The following DOCK7 variants were observed in gnomAD, a reference collection of about 807,000 sequenced individuals.
The protein encoded by DOCK7 is dedicator of cytokinesis 7.
Under a neutral mutation model 271.0 loss-of-function variants are expected in DOCK7, and 138 were observed. The ratio of observed to expected loss-of-function variants is 0.51; its 90% CI spans 0.44 to 0.59. The LOEUF (loss-of-function observed/expected upper bound fraction) is 0.59. DOCK7 is among the 20% of genes least tolerant of loss of function. The probability of loss-of-function intolerance (pLI) is 0.00; values close to 1 mark genes in which losing one functional copy is unlikely to be tolerated. For synonymous variants in DOCK7, 823 were observed against 876.1 expected (o/e 0.94, Z 1.07); for missense variants, 2,066 against 2,592.4 (o/e 0.80, Z 4.41).
chr1:62,457,546 G>C lies in DOCK7; in HGVS notation c.6372C>G (p.Thr2124=). The C allele has an allele frequency of 6.2e-7, 1 of 1,613,276 alleles. No individual in the cohort carries two copies. Among genetic ancestry groups the C allele is most frequent in the Non-Finnish European group, 8.5e-7 (1 of 1,179,756 alleles). The change falls in exon 49 of 50, where the codon ACC becomes ACG. Residue 2124 remains threonine (T), a synonymous_variant. Coordinates refer to ENST00000635253, the MANE Select transcript of DOCK7 (RefSeq NM_001367561.1). ...PQLYKAVLPV[T]CHRDSFSRMS... is the part of the protein sequence containing the mutation. ...CTTAAAAATAAGCATACCTGTGGCA[G>C]GTGACAGGCAATACTGCCTTGTATA...
intron 7 of DOCK7, among the ~76,000 whole-genome samples, chr1:62,643,281 G>A (rs1429635752): frequency 1.3e-5 from 2 of 152,184 alleles, no homozygotes; most frequent in Non-Finnish European, 2.9e-5. Context: ...ACAGAATTAT[G>A]AGAAATACTG....
intron 1 of DOCK7, among the ~76,000 whole-genome samples, chr1:62,684,092 T>A (rs1387629891): frequency 6.6e-6 from 1 of 151,752 alleles, no homozygotes; most frequent in East Asian, 1.9e-4. Context: ...ATACAAAAAT[T>A]AGCTGGGCGT....
chr1:62,654,246 A>T, intron 2 of DOCK7, 87 bp from the exon 3 acceptor site: 1 of 1,290,706 alleles, frequency 7.7e-7, no homozygotes, highest in Non-Finnish European at 1.1e-6. Flanking sequence ...ACATTTTTTT[A>T]AATAAAAGCT....
chr1:62,471,078 T>G (rs1368521208), intron 48 of DOCK7, among the ~76,000 whole-genome samples: 1 of 152,142 alleles, frequency 6.6e-6, no homozygotes, highest in Non-Finnish European at 1.5e-5. Context: ...TAAAATATAT[T>G]TTCTCTTCCT....
chr1:62,483,109 G>GTGA (rs1168046569), intron 43 of DOCK7: 2 of 147,320 alleles, frequency 1.4e-5, no homozygotes, highest in Non-Finnish European at 3.0e-5. Context: ...TTGGGCCTAA[G>GTGA]TGATCTTCCT....
chr1:62,606,589 TAATAAG>T (rs532656062), intron 14 of DOCK7, among the ~76,000 whole-genome samples: 28 of 152,272 alleles, frequency 1.8e-4, no homozygotes, highest in South Asian at 1.5e-3. Context: ...TACTACTTAA[TAATAAG>T]AATATCTTTT....
intron 44 of DOCK7, 87 bp downstream of exon 44, chr1:62,477,613 T>A: frequency 7.2e-7 from 1 of 1,384,368 alleles, no homozygotes; most frequent in South Asian, 1.9e-5. Context: ...TCTGGCTTAC[T>A]AAATGATTAG....
At position 62,598,132 on chromosome 1, in the gene DOCK7, G is replaced by A. The variant is rs1350318654; in HGVS notation, c.1683-11508C>T. 9 of 1,381,024 alleles carry A rather than the reference G, an allele frequency of 6.5e-6. No individual in the cohort carries two copies. The African/African-American group carries it at 1.2e-4, about 18-fold the overall frequency. The allele number at this position is 1,381,024 out of a possible 1,614,324, so 85.5% of individuals were successfully genotyped here. ...ATCTTTTAAAAAAAATATTTCTAAG[G>A]CATGCCATTTGAAATACTTTGTTGC... On this transcript the variant is annotated intron_variant, in intron 14 of 49. Transcript: ENST00000635253.
At chr1:62,586,397 G>A in intron 15 of DOCK7, 110 bp downstream of exon 15, 1 of 709,022 alleles carries the variant, frequency 1.4e-6, no homozygotes, top group Non-Finnish European at 2.3e-6. Context: ...TAGAAATTTG[G>A]TTTAAAAGAT....
chr1:62,473,893 CT>C, intron 48 of DOCK7, 88 bp downstream of exon 48: 1 of 1,058,716 alleles, frequency 9.4e-7, no homozygotes, highest in Non-Finnish European at 1.4e-6. Flanking sequence ...CCTATTTTCT[CT>C]TTTCAATGGT....
intron 12 of DOCK7, among the ~76,000 whole-genome samples, chr1:62,620,775 T>G (rs1571799831): frequency 6.7e-6 from 1 of 149,396 alleles, no homozygotes; most frequent in Admixed American, 6.7e-5. Context: ...TCCCAGCTAC[T>G]CGGGAGGCTG....
At chr1:62,455,534 T>A in intron 49 of DOCK7, 78 bp from the exon 50 acceptor site, 1 of 1,360,712 alleles carries the variant, frequency 7.3e-7, no homozygotes, top group East Asian at 2.4e-5. Context: ...TACATGGTTT[T>A]TTCTGCCAGT....
At chr1:62,514,732 A>G (rs1644607394) in intron 31 of DOCK7, among the ~76,000 whole-genome samples, 1 of 31,144 alleles carries the variant, frequency 3.2e-5, no homozygotes, top group Non-Finnish European at 1.3e-4. Context: ...AGCTCTCACA[A>G]CAACTGTAAA....
chr1:62,516,967 C>T (rs1644680003), intron 31 of DOCK7: 1 of 152,386 alleles, frequency 6.6e-6, no homozygotes, highest in African/African-American at 2.4e-5. Flanking sequence ...AACCTACTAA[C>T]CTTCATCACT....
At position 62,542,695 on chromosome 1, in the gene DOCK7, G is replaced by A. The variant is rs151057814; in HGVS notation, c.2958C>T (p.His986=). The change falls in exon 25 of 50, where the codon CAC becomes CAT. Residue 986 remains histidine, a synonymous_variant. Coordinates refer to ENST00000635253, the MANE Select transcript of DOCK7 (RefSeq NM_001367561.1). The part of the protein sequence containing the change: ...TGRLPTKKLF[H]EELALQWVVC... ...CAACCCACTGCAAAGCCAGCTCCTCGTGAAAAAGCTATCCAGAAGTAAATC... is the reference window on the plus strand; with the variant it reads ...CAACCCACTGCAAAGCCAGCTCCTCATGAAAAAGCTATCCAGAAGTAAATC... 88 of 1,612,406 alleles carry A rather than the reference G, an allele frequency of 5.5e-5. No individual in the cohort carries two copies. The highest frequency in any genetic ancestry group is 1.6e-4 in the Middle Eastern group (1 of 6,072).
intron 18 of DOCK7, among the ~76,000 whole-genome samples, chr1:62,568,120 C>T (rs538199292): frequency 2.6e-5 from 4 of 152,016 alleles, no homozygotes; most frequent in East Asian, 1.9e-4. Flanking sequence ...CACAACTACA[C>T]GGAAATTGCA....
intron 18 of DOCK7, among the ~76,000 whole-genome samples, chr1:62,571,603 G>A (rs1310297694): frequency 1.3e-5 from 2 of 152,120 alleles, no homozygotes; most frequent in African/African-American, 4.8e-5. Context: ...ACATGCATGT[G>A]TATGTTCATT....
Position 62,499,770 on chromosome 1 carries a change from T to C in DOCK7, c.4765-3273A>G, listed in dbSNP as rs149421260. ...GGTGTGTGCCTATAGCCCCAGCTAC[T>C]TGGGAGGCTGAGGTGGGAGGATCCC... On this transcript the variant is annotated intron_variant, in intron 37 of 49. Coordinates refer to ENST00000635253, the MANE Select transcript of DOCK7 (RefSeq NM_001367561.1). 3.9e-5 allele frequency among the ~76,000 whole-genome samples: 6 copies of C among 152,146 alleles called. No individual in the cohort carries two copies. The East Asian group carries it at 5.8e-4, about 15-fold the overall frequency.
chr1:62,496,205 A>G, intron 38 of DOCK7, 134 bp downstream of exon 38: 2 of 911,268 alleles, frequency 2.2e-6, no homozygotes, highest in Non-Finnish European at 3.4e-6. Flanking sequence ...AGTCCTATCT[A>G]TGGCACATGA....
Sources: allele counts gnomAD v4.1 joint callset (sites outside exome capture counted in the v4.1 genomes callset), GRCh38; gene constraint gnomAD v4.1.1; transcripts MANE v1.5; gene names NCBI Gene and HGNC (gene_info 2026-07-23, HGNC 2026-07-21).